Variants in EDIL3 observed in about 807,000 individuals in gnomAD.
The protein encoded by EDIL3 is EGF like and discoidin domains 3, also known as EGF-like repeat and discoidin I-like domain-containing protein 3.
In EDIL3, 37 loss-of-function variants were observed where a neutral mutation model predicts 67.4. That is an observed-to-expected ratio of 0.55 (90% CI 0.42 to 0.72). The LOEUF (loss-of-function observed/expected upper bound fraction) is 0.72, where lower values mean the gene tolerates loss of function less well. Among genes scored for constraint, EDIL3 ranks in the 30% least tolerant of loss-of-function variants. The pLI, the probability that EDIL3 is intolerant of heterozygous loss-of-function variation, is 0.00. For missense variants in EDIL3, 527 were observed against 586.3 expected (o/e 0.90, Z 1.04); for synonymous variants, 195 against 196.3 (o/e 0.99, Z 0.05).
intron 9 of EDIL3, among the ~76,000 whole-genome samples, chr5:83,998,745 C>T (rs1027426153): frequency 2.6e-5 from 4 of 152,200 alleles, no homozygotes; most frequent in Non-Finnish European, 5.9e-5. Context: ...GCAGGATTCA[C>T]CATCTGCTGA....
intron 1 of EDIL3, among the ~76,000 whole-genome samples, chr5:84,294,641 T>TA (rs1382137308): frequency 6.6e-6 from 1 of 152,080 alleles, no homozygotes; most frequent in Non-Finnish European, 1.5e-5. Context: ...ATAATAATTA[T>TA]AAACCAAAAT....
intron 9 of EDIL3, among the ~76,000 whole-genome samples, chr5:84,031,271 A>C (rs914506494): frequency 1.5e-4 from 23 of 152,310 alleles, no homozygotes; most frequent in Non-Finnish European, 2.6e-4. Context: ...ACAAATAGTA[A>C]TACACTAAGC....
intron 1 of EDIL3, among the ~76,000 whole-genome samples, chr5:84,256,195 C>T (rs1201325871): frequency 1.3e-5 from 2 of 152,058 alleles, no homozygotes; most frequent in African/African-American, 2.4e-5. Context: ...AGCTAGCTAG[C>T]TATCCTTCCA....
intron 6 of EDIL3, among the ~76,000 whole-genome samples, chr5:84,071,421 T>A (rs1025560228): frequency 6.6e-6 from 1 of 152,178 alleles, no homozygotes; most frequent in Non-Finnish European, 1.5e-5. Context: ...GGAGAACAGA[T>A]TCAGACTTTA....
At chr5:84,169,300 G>C (rs1325836845) in intron 4 of EDIL3, among the ~76,000 whole-genome samples, 8 of 151,942 alleles carry the variant, frequency 5.3e-5, no homozygotes, top group African/African-American at 1.7e-4. Flanking sequence ...ATTTTAATCA[G>C]TTATCCTCAA....
chr5:84,165,385 C>T (rs895140817), intron 4 of EDIL3, among the ~76,000 whole-genome samples: 2 of 152,114 alleles, frequency 1.3e-5, no homozygotes, highest in South Asian at 4.1e-4. Flanking sequence ...ACAAAACCAT[C>T]TTCTACCTGT....
chr5:84,362,032 T>C (rs1747622498), intron 1 of EDIL3, among the ~76,000 whole-genome samples: 1 of 152,034 alleles, frequency 6.6e-6, no homozygotes, highest in South Asian at 2.1e-4. Context: ...CATAATAAAA[T>C]GAACTTAATG....
chr5:84,346,490 C>A (rs1380405830), intron 1 of EDIL3, among the ~76,000 whole-genome samples: 4 of 152,054 alleles, frequency 2.6e-5, no homozygotes, highest in Non-Finnish European at 4.4e-5. Context: ...GAACAACTGA[C>A]CTTGTCAATT....
chr5:84,316,871 C>G (rs1481980861), intron 1 of EDIL3, among the ~76,000 whole-genome samples: 2 of 152,126 alleles, frequency 1.3e-5, no homozygotes, highest in African/African-American at 4.8e-5. Context: ...CAAAACACTC[C>G]TCACCAAATG....
intron 6 of EDIL3, among the ~76,000 whole-genome samples, chr5:84,073,778 T>C (rs1358546126): frequency 1.3e-5 from 2 of 152,152 alleles, no homozygotes; most frequent in East Asian, 1.9e-4. Flanking sequence ...CTGCCCAAGG[T>C]AATTTATAGA....
At position 84,254,222 on chromosome 5, in the gene EDIL3, A is replaced by T. The variant is rs55795105; in HGVS notation, c.68-10T>A. ...GGATCACAAATATCACCTAAGGCAT[A>T]AAAAAAAACCGAAATTGACATTTTT... On this transcript the variant is annotated splice_polypyrimidine_tract_variant and intron_variant, in intron 1 of 10. Transcript: ENST00000296591. 8,749 of 1,582,592 alleles carry T rather than the reference A, an allele frequency of 5.5e-3. 397 individuals carry two copies. The African/African-American group carries it at 0.1, about 19-fold the overall frequency.
chr5:84,021,348 A>G (rs531036570), intron 9 of EDIL3, among the ~76,000 whole-genome samples: 1 of 151,974 alleles, frequency 6.6e-6, no homozygotes, highest in South Asian at 2.1e-4. Context: ...TTTAAGGTAA[A>G]CATTTACTGA....
intron 4 of EDIL3, among the ~76,000 whole-genome samples, chr5:84,169,987 A>G (rs1748784949): frequency 6.6e-6 from 1 of 152,222 alleles, no homozygotes; most frequent in South Asian, 2.1e-4. Flanking sequence ...AAGTTCTATG[A>G]CAGCAGAGAC....
chr5:84,291,616 A>G (rs1745916536), intron 1 of EDIL3, among the ~76,000 whole-genome samples: 1 of 150,318 alleles, frequency 6.7e-6, no homozygotes, highest in Admixed American at 6.7e-5. Context: ...GAGAACATTC[A>G]TTATCATGTA....
intron 1 of EDIL3, among the ~76,000 whole-genome samples, chr5:84,299,138 T>A (rs908682253): frequency 3.9e-5 from 6 of 152,160 alleles, no homozygotes; most frequent in Non-Finnish European, 8.8e-5. Context: ...GGACTACCTC[T>A]GGAACACACC....
At chr5:84,113,499 G>A (rs759132146) in intron 5 of EDIL3, among the ~76,000 whole-genome samples, 5 of 152,128 alleles carry the variant, frequency 3.3e-5, no homozygotes, top group Non-Finnish European at 7.3e-5. Context: ...CAAACTTCAA[G>A]TGCCTCCCCA....
intron 2 of EDIL3, among the ~76,000 whole-genome samples, chr5:84,250,722 G>A (rs140857158): frequency 3.9e-4 from 59 of 152,118 alleles, no homozygotes; most frequent in African/African-American, 1.2e-3. Flanking sequence ...AGAATAAACA[G>A]GATAAACATA....
intron 9 of EDIL3, among the ~76,000 whole-genome samples, chr5:84,035,711 C>T (rs1297479271): frequency 6.6e-6 from 1 of 152,104 alleles, no homozygotes; most frequent in Non-Finnish European, 1.5e-5. Flanking sequence ...CTTTCTGGAA[C>T]TTATTTTTTA....
chr5:84,339,057 T>C (rs1297978650), intron 1 of EDIL3, among the ~76,000 whole-genome samples: 7 of 152,054 alleles, frequency 4.6e-5, no homozygotes, highest in Non-Finnish European at 8.8e-5. Context: ...GCTGGGGAGA[T>C]GGTAAAAATG....
Sources: gnomAD v4.1 joint callset for allele counts (sites outside exome capture counted in the v4.1 genomes callset) on GRCh38, gnomAD v4.1.1 for gene constraint, MANE v1.5 for transcripts, NCBI Gene and HGNC (gene_info 2026-07-23, HGNC 2026-07-21) for gene names.